Variants in CYP2U1 observed in about 807,000 individuals in gnomAD.
CYP2U1 encodes the protein cytochrome P450 2U1.
Under a neutral mutation model 42.8 loss-of-function variants are expected in CYP2U1, and 28 were observed. That is an observed-to-expected ratio of 0.65 (90% CI 0.48 to 0.90). The LOEUF (loss-of-function observed/expected upper bound fraction) is 0.90. Among genes scored for constraint, CYP2U1 ranks in the 40% least tolerant of loss-of-function variants. CYP2U1 has a pLI of 0.00. For missense variants in CYP2U1, 642 were observed against 693.8 expected, an observed-to-expected ratio of 0.93 and a Z score of 0.84; for synonymous variants, 296 against 278.9, an observed-to-expected ratio of 1.06 and a Z score of -0.61.
At position 107,931,887 on chromosome 4, in the gene CYP2U1, C is replaced by T. The variant is rs1476927058; in HGVS notation, c.244C>T (p.Arg82Trp). The T allele has an allele frequency of 4.5e-6, 7 of 1,548,970 alleles. No individual in the cohort carries two copies. Among genetic ancestry groups the T allele is most frequent in the Non-Finnish European group, 2.6e-6 (3 of 1,145,772 alleles). The part of the protein sequence containing the change: ...FGHVLLPPFL[R>W]RRSWLSSRTR... Reference sequence around the variant, plus strand: ...TCACGTGCTGCTGCCTCCCTTCCTCCGGCGGCGGAGCTGGCTGAGCAGCAG... The same window carrying T: ...TCACGTGCTGCTGCCTCCCTTCCTCTGGCGGCGGAGCTGGCTGAGCAGCAG... The change falls in exon 1 of 5, where the codon CGG (arginine) becomes TGG (tryptophan). Residue 82 changes from arginine to tryptophan, a missense_variant. Transcript: ENST00000332884.
intron 1 of CYP2U1, 105 bp downstream of exon 1, chr4:107,932,238 G>C: frequency 6.8e-7 from 1 of 1,462,036 alleles, no homozygotes; most frequent in African/African-American, 1.4e-5. Context: ...CGCGCCCCCA[G>C]GCTGCCTCAC....
rs981400006 is a variant in CYP2U1 at position 107,952,623 on chromosome 4, C to G, written c.*2200C>G. ...GATCTCCCTAACCTCTGACTTCTGC[C>G]GTTAGCCATACTCTGTGTAGTTAGA... On this transcript the variant is annotated 3_prime_UTR_variant, in exon 5 of 5. Coordinates refer to ENST00000332884, the MANE Select transcript of CYP2U1 (RefSeq NM_183075.3). 1 of 152,200 alleles carries G rather than the reference C, an allele frequency of 6.6e-6. No homozygotes were observed. The highest frequency in any genetic ancestry group is 1.5e-5 in the Non-Finnish European group (1 of 68,034). The allele number at this position is 152,200 out of a possible 1,614,324, so 9.4% of individuals were successfully genotyped here. A position where few individuals can be genotyped will look rare whatever the true frequency, so the allele number is the denominator to read the frequency against.
At chr4:107,941,674 G>C (rs1294197310) in intron 1 of CYP2U1, among the ~76,000 whole-genome samples, 2 of 151,256 alleles carry the variant, frequency 1.3e-5, no homozygotes, top group Non-Finnish European at 2.9e-5. Flanking sequence ...CTTGTGAACT[G>C]CAGCTAGAGT....
At position 107,950,728 on chromosome 4, in the gene CYP2U1, G is replaced by A. The variant is rs1733881720; in HGVS notation, c.*305G>A. ...GATGGGCCAATCTTCTCATTTCTTA[G>A]TGCCTCAGACATCCCATATGTAAAA... On this transcript the variant is annotated 3_prime_UTR_variant, in exon 5 of 5. Transcript: ENST00000332884. The A allele has an allele frequency of 8.4e-6, 2 of 239,478 alleles. No individual in the cohort carries two copies. Among genetic ancestry groups the A allele is most frequent in the Non-Finnish European group, 1.6e-5 (2 of 123,990 alleles). 14.8% of individuals were successfully genotyped at this position (239,478 alleles called of 1,614,324 possible). A position where few individuals can be genotyped will look rare whatever the true frequency, so the allele number is the denominator to read the frequency against.
At position 107,931,763 on chromosome 4, in the gene CYP2U1, C is replaced by T; in HGVS notation, c.120C>T (p.Cys40=). 2.1e-6 allele frequency: 3 copies of T among 1,462,928 alleles called. No individual in the cohort carries two copies. Among genetic ancestry groups the T allele is most frequent in the East Asian group, 2.7e-5 (1 of 36,988 alleles). The allele number at this position is 1,462,928 out of a possible 1,614,324, so 90.6% of individuals were successfully genotyped here. ...CCAGCGGGGGCGCGCTGCTGCTATG[C>T]GGCCTCGTAGCGCTGCTGGGCTGGA... ...LDPSGGALLL[C]GLVALLGWSW... is the part of the protein sequence containing the mutation. The change falls in exon 1 of 5, where the codon TGC becomes TGT. Residue 40 remains cysteine (C), a synonymous_variant. Coordinates refer to ENST00000332884, the MANE Select transcript of CYP2U1 (RefSeq NM_183075.3).
At chr4:107,932,187 G>T in intron 1 of CYP2U1, 54 bp downstream of exon 1, 1 of 1,541,830 alleles carries the variant, frequency 6.5e-7, no homozygotes. Flanking sequence ...TGAGTCTCCA[G>T]GTGCGTGGGG....
intron 3 of CYP2U1, 133 bp downstream of exon 3, chr4:107,947,670 T>A: frequency 2.3e-6 from 2 of 857,010 alleles, no homozygotes; most frequent in Non-Finnish European, 3.6e-6. Context: ...GTGTCATATG[T>A]AATAAAATGT....
intron 2 of CYP2U1, among the ~76,000 whole-genome samples, chr4:107,946,891 C>G (rs112868218): frequency 0.023 from 3,457 of 152,110 alleles, 120 homozygotes; most frequent in African/African-American, 0.077. Context: ...GAGAGAGTGG[C>G]AAAGATGAGG....
chr4:107,949,759 G>A (rs1014452860), intron 4 of CYP2U1, among the ~76,000 whole-genome samples: 3 of 152,100 alleles, frequency 2.0e-5, no homozygotes, highest in Non-Finnish European at 2.9e-5. Context: ...AATTTTGGGG[G>A]GTCCCAGGGA....
chr4:107,942,001 A>G (rs943440504), intron 1 of CYP2U1, among the ~76,000 whole-genome samples: 15 of 152,368 alleles, frequency 9.8e-5, no homozygotes, highest in African/African-American at 2.9e-4. Flanking sequence ...GAAATTTAAA[A>G]ACAAGCAAGT....
chr4:107,947,284 A>G, intron 2 of CYP2U1, 92 bp from the exon 3 acceptor site: 1 of 1,104,638 alleles, frequency 9.1e-7, no homozygotes, highest in Non-Finnish European at 1.3e-6. Context: ...CTGACCAGTT[A>G]TGCATTAGTG....
chr4:107,937,844 A>G (rs1733330835), intron 1 of CYP2U1: 1 of 152,110 alleles, frequency 6.6e-6, no homozygotes, highest in African/African-American at 2.4e-5. Flanking sequence ...GCCTCCTTAA[A>G]ATGGAATAAT....
Position 107,950,488 on chromosome 4 carries a change from C to T in CYP2U1, c.*65C>T. 6.8e-7 allele frequency: 1 copy of T among 1,474,224 alleles called. No individual in the cohort carries two copies. The highest frequency in any genetic ancestry group is 9.0e-7 in the Non-Finnish European group (1 of 1,107,476). The allele number at this position is 1,474,224 out of a possible 1,614,324, so 91.3% of individuals were successfully genotyped here. ...TACATATCCTTCTAAGCAGATTCTT[C>T]CTACTGCAAAGGACAGTGAATCCAG... is the stretch of plus-strand genomic sequence containing the variant. On this transcript the variant is annotated 3_prime_UTR_variant, in exon 5 of 5. Transcript: ENST00000332884.
Position 107,951,459 on chromosome 4 carries a change from T to C in CYP2U1, c.*1036T>C, listed in dbSNP as rs948561233. ...TTTATTAAGAGAACTAAATTGTTTC[T>C]AAATGTAGATGGTCCCTCTGGAAAA... On this transcript the variant is annotated 3_prime_UTR_variant, in exon 5 of 5. Coordinates refer to ENST00000332884, the MANE Select transcript of CYP2U1 (RefSeq NM_183075.3). 4 of 152,224 alleles carry C rather than the reference T, an allele frequency of 2.6e-5. No individual in the cohort carries two copies. The highest frequency in any genetic ancestry group is 1.3e-4 in the Admixed American group (2 of 15,286). 9.4% of individuals were successfully genotyped at this position (152,224 alleles called of 1,614,324 possible).
chr4:107,942,226 G>T (rs1733521011), intron 1 of CYP2U1, among the ~76,000 whole-genome samples: 1 of 152,124 alleles, frequency 6.6e-6, no homozygotes, highest in African/African-American at 2.4e-5. Context: ...GGGCCTGGGG[G>T]TGAACCCAAG....
At chr4:107,934,677 C>G (rs1733195046) in intron 1 of CYP2U1, among the ~76,000 whole-genome samples, 1 of 152,176 alleles carries the variant, frequency 6.6e-6, no homozygotes. Context: ...GCTCTGCCTT[C>G]ACTTGTACAT....
At chr4:107,946,162 A>C (rs546322313) in intron 2 of CYP2U1, among the ~76,000 whole-genome samples, 1 of 152,334 alleles carries the variant, frequency 6.6e-6, no homozygotes, top group East Asian at 1.9e-4. Flanking sequence ...TAAGTCTGAT[A>C]TATGTCTCAT....
Position 107,932,123 on chromosome 4 carries a change from C to G in CYP2U1, c.480C>G (p.Thr160=). The change falls in exon 1 of 5, where the codon ACC becomes ACG. Residue 160 remains threonine, a synonymous_variant. Coordinates refer to ENST00000332884, the MANE Select transcript of CYP2U1 (RefSeq NM_183075.3). ...GGGTGCCGCTCATCTCCATCGTGAC[C>G]AAGGAGAAGGGTGAGCGGGAGGTCG... ...RPRVPLISIV[T]KEKGVVFAHY... The G allele has an allele frequency of 1.2e-6, 2 of 1,604,276 alleles. No individual in the cohort carries two copies. The highest frequency in any genetic ancestry group is 1.7e-6 in the Non-Finnish European group (2 of 1,176,332).
intron 1 of CYP2U1, chr4:107,938,679 G>T (rs1180247500): frequency 1.3e-5 from 2 of 152,102 alleles, no homozygotes; most frequent in African/African-American, 4.8e-5. Context: ...TAGCTTGAGG[G>T]TATATTTTTG....
Sources: allele counts gnomAD v4.1 joint callset (sites outside exome capture counted in the v4.1 genomes callset), GRCh38; gene constraint gnomAD v4.1.1; transcripts MANE v1.5; gene names NCBI Gene and HGNC (gene_info 2026-07-23, HGNC 2026-07-21).